Variants in KAZN observed in about 807,000 individuals in gnomAD.
KAZN encodes kazrin.
KAZN carries 40 observed loss-of-function variants against 87.4 expected under a neutral mutation model. The observed-to-expected ratio is 0.46, with a 90% CI of 0.36 to 0.60. KAZN has a LOEUF of 0.60. Ranked by LOEUF, KAZN falls within the 20% of genes least tolerant of loss-of-function variation. The pLI is 0.00. For missense variants in KAZN, 898 were observed against 1,073.9 expected (o/e 0.84, Z 2.29); for synonymous variants, 466 against 458.3 (o/e 1.02, Z -0.22).
At chr1:14,011,161 GGATGGAATCGACAACACCT>G (rs2101190960) in intron 1 of KAZN, among the ~76,000 whole-genome samples, 1 of 152,306 alleles carries the variant, frequency 6.6e-6, no homozygotes, top group African/African-American at 2.4e-5. Flanking sequence ...TGGTGTCCCA[GGATGGAATCGACAACACCT>G]GAGAAAGTTA....
At chr1:14,677,120 C>T (rs1640272393) in intron 1 of KAZN, among the ~76,000 whole-genome samples, 1 of 152,030 alleles carries the variant, frequency 6.6e-6, no homozygotes, top group Non-Finnish European at 1.5e-5. Flanking sequence ...GCAGTGCATA[C>T]CTCTCTTTGT....
chr1:14,900,177 G>A (rs911739233), intron 1 of KAZN, among the ~76,000 whole-genome samples: 3 of 152,126 alleles, frequency 2.0e-5, no homozygotes, highest in East Asian at 3.9e-4. Flanking sequence ...TGAGAGAAGC[G>A]AACAGCCTCA....
intron 1 of KAZN, among the ~76,000 whole-genome samples, chr1:14,143,385 C>T (rs1239164795): frequency 6.6e-6 from 1 of 152,074 alleles, no homozygotes; most frequent in Non-Finnish European, 1.5e-5. Context: ...GCTATTGTTT[C>T]GTGTATGTAC....
chr1:14,182,705 CTCTT>C (rs113411932), intron 2 of KAZN, among the ~76,000 whole-genome samples: 2 of 152,218 alleles, frequency 1.3e-5, no homozygotes, highest in African/African-American at 2.4e-5. Context: ...TAAAAAAAGA[CTCTT>C]TATTGGGCAT....
At chr1:14,472,263 G>A (rs1242069463) in intron 2 of KAZN, among the ~76,000 whole-genome samples, 1 of 152,174 alleles carries the variant, frequency 6.6e-6, no homozygotes. Flanking sequence ...GAAACGTTCA[G>A]ACCATAGCTA....
rs138016328 is a variant in KAZN at position 14,144,047 on chromosome 1, T to C, written c.92-36388T>C. Among the ~76,000 whole-genome samples, 59 of 152,272 alleles carry C rather than the reference T, an allele frequency of 3.9e-4. No homozygotes were observed. The East Asian group carries it at 0.01, about 26-fold the overall frequency. Reference sequence around the variant, plus strand: ...AGTTTTCTATTAATCTATCAGCAGTTCATTCCCAAACTCTCCTCTGTAGTT... The same window carrying C: ...AGTTTTCTATTAATCTATCAGCAGTCCATTCCCAAACTCTCCTCTGTAGTT... On this transcript the variant is annotated intron_variant, in intron 1 of 16. Coordinates refer to the KAZN transcript ENST00000636203.
intron 1 of KAZN, among the ~76,000 whole-genome samples, chr1:14,642,933 G>A (rs1167253795): frequency 1.3e-5 from 2 of 152,198 alleles, no homozygotes; most frequent in Non-Finnish European, 2.9e-5. Flanking sequence ...ATAAATTGGT[G>A]CAGCCACTCT....
chr1:14,141,536 C>G (rs1645240605), intron 1 of KAZN, among the ~76,000 whole-genome samples: 1 of 151,966 alleles, frequency 6.6e-6, no homozygotes, highest in Non-Finnish European at 1.5e-5. Context: ...TGCCAGGACT[C>G]CAAGGAGAAA....
At chr1:14,957,694 C>T (rs1042453993) in intron 1 of KAZN, among the ~76,000 whole-genome samples, 3 of 152,188 alleles carry the variant, frequency 2.0e-5, no homozygotes, top group Non-Finnish European at 4.4e-5. Flanking sequence ...GAGACGAGCT[C>T]CCAGGCAGGT....
chr1:14,167,743 A>AAAAAAC (rs1366458802), intron 1 of KAZN, among the ~76,000 whole-genome samples: 1 of 152,056 alleles, frequency 6.6e-6, no homozygotes, highest in Non-Finnish European at 1.5e-5. Context: ...ACAAAAACAA[A>AAAAAAC]CAAGGAAGCA....
At chr1:14,358,381 GATTC>G (rs1659222123) in intron 2 of KAZN, among the ~76,000 whole-genome samples, 2 of 151,530 alleles carry the variant, frequency 1.3e-5, no homozygotes, top group African/African-American at 4.8e-5. Context: ...CCAGCTCAGG[GATTC>G]ATTGAGTTTT....
chr1:14,737,310 T>G (rs934222070), intron 1 of KAZN, among the ~76,000 whole-genome samples: 1 of 152,080 alleles, frequency 6.6e-6, no homozygotes, highest in South Asian at 2.1e-4. Flanking sequence ...AGCCTGAGTG[T>G]AGAATTTGCC....
Position 14,016,620 on chromosome 1 carries a change from G to A in KAZN, c.91+122864G>A, listed in dbSNP as rs189140865. Among the ~76,000 whole-genome samples the A allele has an allele frequency of 2.7e-3, 413 of 152,208 alleles. 5 individuals are homozygous for A. The highest frequency in any genetic ancestry group is 3.5e-3 in the Non-Finnish European group (238 of 68,008). On this transcript the variant is annotated intron_variant, in intron 1 of 16. Transcript: ENST00000636203. ...TCGGAGGCTCACTTTGGGATGCATC[G>A]TCCTAATTTTCTTTTAGAGGCTTCC... is the stretch of plus-strand genomic sequence containing the variant.
intron 1 of KAZN, among the ~76,000 whole-genome samples, chr1:14,721,597 A>C (rs904980996): frequency 6.6e-6 from 1 of 152,178 alleles, no homozygotes; most frequent in East Asian, 1.9e-4. Flanking sequence ...CAAGGATGAC[A>C]TTTCAATGCT....
chr1:14,343,638 T>C (rs112027216), intron 2 of KAZN, among the ~76,000 whole-genome samples: 2,825 of 152,284 alleles, frequency 0.019, 41 homozygotes, highest in Middle Eastern at 0.041. Context: ...TTGAAAACCA[T>C]GTTTGATTTT....
At chr1:14,264,130 T>C (rs1158874012) in intron 2 of KAZN, among the ~76,000 whole-genome samples, 4 of 152,212 alleles carry the variant, frequency 2.6e-5, no homozygotes, top group Non-Finnish European at 4.4e-5. Flanking sequence ...GGTCCTCTCA[T>C]GGAGTCTCAC....
chr1:14,239,315 T>C (rs886375220), intron 2 of KAZN, among the ~76,000 whole-genome samples: 7 of 152,172 alleles, frequency 4.6e-5, no homozygotes, highest in African/African-American at 7.2e-5. Flanking sequence ...CTGGTTTACG[T>C]GGCATCATTT....
Position 14,076,279 on chromosome 1 carries a change from TA to T in KAZN, c.92-104146del, listed in dbSNP as rs376121410. On this transcript the variant is annotated intron_variant, in intron 1 of 16. Coordinates refer to the KAZN transcript ENST00000636203. ...CTGGGTGACAGAGCGAGACTCCGTC[TA>T]AAAAAAAAAGGGAAAGGTAGACACA... 6.4e-3 allele frequency among the ~76,000 whole-genome samples: 933 copies of T among 145,894 alleles called. 10 individuals are homozygous for T. Among genetic ancestry groups the T allele is most frequent in the African/African-American group, 0.022 (869 of 39,898 alleles).
chr1:14,551,352 C>T (rs564786290), intron 2 of KAZN, among the ~76,000 whole-genome samples: 2 of 152,322 alleles, frequency 1.3e-5, no homozygotes, highest in East Asian at 1.9e-4. Flanking sequence ...TATGATAAAA[C>T]TTTGCACAGC....
Sources: gnomAD v4.1 joint callset for allele counts (sites outside exome capture counted in the v4.1 genomes callset) on GRCh38, gnomAD v4.1.1 for gene constraint, MANE v1.5 for transcripts, NCBI Gene and HGNC (gene_info 2026-07-23, HGNC 2026-07-21) for gene names.